CRY1: variants seen among roughly 807,000 people sequenced by gnomAD.
The protein encoded by CRY1 is cryptochrome circadian regulator 1.
A neutral mutation model predicts 76.0 loss-of-function variants in CRY1; 45 were observed. The observed-to-expected ratio is 0.59, with a 90% CI of 0.47 to 0.76. The LOEUF is 0.76. Among genes scored for constraint, CRY1 ranks in the 30% least tolerant of loss-of-function variants. CRY1 has a pLI of 0.00. For synonymous variants in CRY1, 248 were observed against 244.0 expected (o/e 1.02, Z -0.15); for missense variants, 587 against 716.4 (o/e 0.82, Z 2.06).
chr12:107,062,299 A>T (rs976674086), intron 1 of CRY1, among the ~76,000 whole-genome samples: 5 of 152,274 alleles, frequency 3.3e-5, no homozygotes, highest in South Asian at 4.1e-4. Context: ...AAGATGAAAC[A>T]ATTTTCACTT....
At chr12:106,998,751 T>C (rs898412293) in intron 7 of CRY1, among the ~76,000 whole-genome samples, 1 of 150,478 alleles carries the variant, frequency 6.6e-6, no homozygotes, top group South Asian at 2.1e-4. Context: ...AGGTAAAAAA[T>C]GTACGTAATG....
intron 10 of CRY1, 51 bp downstream of exon 10, chr12:106,997,243 G>T: frequency 7.0e-7 from 1 of 1,423,794 alleles, no homozygotes; most frequent in Non-Finnish European, 9.8e-7. Context: ...AAATATATTT[G>T]TTTAATAACC....
chr12:107,075,423 G>C (rs1953240242), intron 1 of CRY1, among the ~76,000 whole-genome samples: 1 of 152,008 alleles, frequency 6.6e-6, no homozygotes. Flanking sequence ...CTGTAGATAA[G>C]ACAGCTAAAC....
intron 1 of CRY1, among the ~76,000 whole-genome samples, chr12:107,067,440 G>A (rs1442117444): frequency 2.0e-5 from 3 of 152,044 alleles, no homozygotes; most frequent in African/African-American, 7.2e-5. Flanking sequence ...CCCTTGGGAT[G>A]TTGTCTTTAG....
intron 1 of CRY1, among the ~76,000 whole-genome samples, chr12:107,079,279 G>A (rs998385450): frequency 1.3e-5 from 2 of 152,168 alleles, no homozygotes; most frequent in Admixed American, 6.6e-5. Flanking sequence ...GACTTTTGCT[G>A]AGACTTCTGG....
At chr12:107,058,327 T>A (rs1409606584) in intron 1 of CRY1, among the ~76,000 whole-genome samples, 3 of 152,068 alleles carry the variant, frequency 2.0e-5, no homozygotes, top group Non-Finnish European at 4.4e-5. Flanking sequence ...TAAGAAACTT[T>A]AAATAGGAGT....
intron 1 of CRY1, among the ~76,000 whole-genome samples, chr12:107,063,271 T>TA (rs1565840794): frequency 4.6e-5 from 7 of 152,194 alleles, no homozygotes; most frequent in African/African-American, 1.7e-4. Context: ...AAAATGGCAC[T>TA]AAGTTTCTAG....
chr12:107,003,588 G>A (rs979790998), intron 3 of CRY1, among the ~76,000 whole-genome samples: 4 of 152,108 alleles, frequency 2.6e-5, no homozygotes, highest in African/African-American at 4.8e-5. Flanking sequence ...AAGATATCCT[G>A]TTTAAGTAAA....
chr12:107,067,818 G>C (rs1255836557), intron 1 of CRY1, among the ~76,000 whole-genome samples: 2 of 152,288 alleles, frequency 1.3e-5, no homozygotes, highest in South Asian at 2.1e-4. Context: ...ATAATTTATA[G>C]GTTTCCTTCT....
intron 2 of CRY1, among the ~76,000 whole-genome samples, chr12:107,019,133 T>C (rs538877744): frequency 1.3e-5 from 2 of 152,232 alleles, no homozygotes; most frequent in South Asian, 4.1e-4. Flanking sequence ...GACAGAAGAA[T>C]CTTCTCCCTC....
chr12:107,021,290 A>G (rs1441004710), intron 2 of CRY1, among the ~76,000 whole-genome samples: 3 of 152,164 alleles, frequency 2.0e-5, no homozygotes, highest in Non-Finnish European at 4.4e-5. Flanking sequence ...TCTCAAAAAA[A>G]GAAAAAAAAA....
chr12:106,992,620 C>CA (rs1952191031), intron 12 of CRY1, 167 bp downstream of exon 12: 2 of 589,608 alleles, frequency 3.4e-6, no homozygotes, highest in Non-Finnish European at 6.0e-6. Context: ...AGTACAGATG[C>CA]ATGTCTCTTG....
intron 1 of CRY1, among the ~76,000 whole-genome samples, chr12:107,091,834 T>C (rs1953475185): frequency 6.6e-6 from 1 of 152,238 alleles, no homozygotes; most frequent in Non-Finnish European, 1.5e-5. Context: ...CTTAGATATC[T>C]GCATCCCACC....
At chr12:107,039,538 C>A (rs973429619) in intron 1 of CRY1, among the ~76,000 whole-genome samples, 2 of 152,058 alleles carry the variant, frequency 1.3e-5, no homozygotes, top group Admixed American at 6.5e-5. Flanking sequence ...CTAAAGGAAA[C>A]AAACAAATGG....
intron 1 of CRY1, among the ~76,000 whole-genome samples, chr12:107,052,034 TTC>T (rs1462215772): frequency 2.0e-5 from 3 of 152,186 alleles, no homozygotes; most frequent in Non-Finnish European, 2.9e-5. Context: ...CTGAAAATTA[TTC>T]TGATTTTTCT....
chr12:107,068,449 C>G (rs1156242216), intron 1 of CRY1, among the ~76,000 whole-genome samples: 1 of 152,120 alleles, frequency 6.6e-6, no homozygotes, highest in Non-Finnish European at 1.5e-5. Context: ...GTATGTGCCA[C>G]CATGCCCCGC....
intron 10 of CRY1, among the ~76,000 whole-genome samples, chr12:106,993,912 A>G (rs149289358): frequency 1.3e-5 from 2 of 152,324 alleles, no homozygotes; most frequent in African/African-American, 4.8e-5. Flanking sequence ...CTGTTTTATT[A>G]TAAGAACAAA....
At chr12:107,072,779 T>C (rs1284107304) in intron 1 of CRY1, among the ~76,000 whole-genome samples, 2 of 152,224 alleles carry the variant, frequency 1.3e-5, no homozygotes, top group Non-Finnish European at 2.9e-5. Flanking sequence ...TCTTATCTTC[T>C]TATGGGTGAT....
At chr12:107,051,907 T>TTA (rs918645138) in intron 1 of CRY1, among the ~76,000 whole-genome samples, 10 of 151,586 alleles carry the variant, frequency 6.6e-5, no homozygotes, top group Non-Finnish European at 2.9e-5. Flanking sequence ...TTTAGGAGAC[T>TTA]TATATAAAAT....
Sources: allele counts gnomAD v4.1 joint callset (sites outside exome capture counted in the v4.1 genomes callset), GRCh38; gene constraint gnomAD v4.1.1; transcripts MANE v1.5; gene names NCBI Gene and HGNC (gene_info 2026-07-23, HGNC 2026-07-21).